Variants in ALDH6A1 observed in about 807,000 individuals in gnomAD.
ALDH6A1 encodes the protein methylmalonate-semialdehyde/malonate-semialdehyde dehydrogenase [acylating], mitochondrial.
In ALDH6A1, 43 loss-of-function variants were observed where a neutral mutation model predicts 62.6. That is an observed-to-expected ratio of 0.69 (90% CI 0.54 to 0.89). The LOEUF (loss-of-function observed/expected upper bound fraction) is 0.89. ALDH6A1 is among the 40% of genes least tolerant of loss of function. The probability of loss-of-function intolerance (pLI) is 0.00; values close to 1 mark genes in which losing one functional copy is unlikely to be tolerated. For missense variants in ALDH6A1, 551 were observed against 661.3 expected, an observed-to-expected ratio of 0.83 and a Z score of 1.83; for synonymous variants, 194 against 234.2, an observed-to-expected ratio of 0.83 and a Z score of 1.57.
rs532016679 is a variant in ALDH6A1, at chr14:74,059,850, T to C, written c.*792A>G. On this transcript the variant is annotated 3_prime_UTR_variant, in exon 12 of 12. Coordinates refer to ENST00000553458, the MANE Select transcript of ALDH6A1 (RefSeq NM_005589.4). ...CTGAGGTATCCTTGAGAAGTGATCTTAAGCAGGAGCAGTGACAATGATAGA... is the reference window on the plus strand; with the variant it reads ...CTGAGGTATCCTTGAGAAGTGATCTCAAGCAGGAGCAGTGACAATGATAGA... 2 of 154,056 alleles carry C rather than the reference T, an allele frequency of 1.3e-5. No homozygotes were observed. Among genetic ancestry groups the C allele is most frequent in the Admixed American group, 6.4e-5 (1 of 15,510 alleles). 9.5% of individuals were successfully genotyped at this position (154,056 alleles called of 1,614,324 possible).
At position 74,057,569 on chromosome 14, in the gene ALDH6A1, C is replaced by T; in HGVS notation, c.*3073G>A. 7.5e-7 allele frequency: 1 copy of T among 1,329,138 alleles called. No individual in the cohort carries two copies. The highest frequency in any genetic ancestry group is 9.8e-7 in the Non-Finnish European group (1 of 1,025,528). The allele number at this position is 1,329,138 out of a possible 1,614,324, so 82.3% of individuals were successfully genotyped here. A position where few individuals can be genotyped will look rare whatever the true frequency, so the allele number is the denominator to read the frequency against. On this transcript the variant is annotated 3_prime_UTR_variant, in exon 12 of 12. Transcript: ENST00000553458. ...GAGTAAACATAGTGACCTTGTGACT[C>T]TTAGCTTTCCATCACAGGTGGGAAG...
rs2060438758 is a variant in ALDH6A1 at position 74,065,085 on chromosome 14, G to A, written c.1404+96C>T. 2.7e-6 allele frequency: 4 copies of A among 1,486,166 alleles called. 1 individual carries two copies. The South Asian group carries it at 3.5e-5, about 13-fold the overall frequency. The allele number at this position is 1,486,166 out of a possible 1,614,324, so 92.1% of individuals were successfully genotyped here. A position where few individuals can be genotyped will look rare whatever the true frequency, so the allele number is the denominator to read the frequency against. On this transcript the variant is annotated intron_variant, in intron 10 of 11. Transcript: ENST00000553458. ...AATGGGGCAATGTGGGAGGTCATGG[G>A]GGCAATCTTAAACCAATGACTCACC...
intron 11 of ALDH6A1, among the ~76,000 whole-genome samples, chr14:74,064,021 C>T (rs1036650780): frequency 5.9e-5 from 9 of 151,558 alleles, no homozygotes; most frequent in Non-Finnish European, 1.2e-4. Flanking sequence ...TGCTACAGAC[C>T]GGGCAGAGTG....
At chr14:74,069,349 G>A (rs1171075307) in intron 6 of ALDH6A1, 5 of 308,970 alleles carry the variant, frequency 1.6e-5, no homozygotes, top group Non-Finnish European at 3.1e-5. Context: ...TGATCCACTC[G>A]CCTTGGCCTC....
chr14:74,070,480 C>T (rs1205728015), intron 6 of ALDH6A1, among the ~76,000 whole-genome samples: 1 of 152,152 alleles, frequency 6.6e-6, no homozygotes, highest in African/African-American at 2.4e-5. Context: ...GATCGCACCA[C>T]TGCTCTCCAG....
chr14:74,061,962 C>A (rs1420337719), intron 11 of ALDH6A1, among the ~76,000 whole-genome samples: 1 of 148,122 alleles, frequency 6.8e-6, no homozygotes, highest in African/African-American at 2.5e-5. Context: ...GTAATATCAG[C>A]ACTTTGGGAG....
chr14:74,060,834 T>TGAGTA, intron 11 of ALDH6A1, 88 bp from the exon 12 acceptor site: 2 of 906,678 alleles, frequency 2.2e-6, no homozygotes, highest in Non-Finnish European at 1.8e-6. Context: ...TATTATAAAG[T>TGAGTA]GCTACTCACT....
rs1159343743 is a variant in ALDH6A1, at chr14:74,078,261, C to T, written c.49-3244G>A. 6 of 455,842 alleles carry T rather than the reference C, an allele frequency of 1.3e-5. No homozygotes were observed. The East Asian group carries it at 4.2e-4, about 32-fold the overall frequency. 28.2% of individuals were successfully genotyped at this position (455,842 alleles called of 1,614,324 possible). A position where few individuals can be genotyped will look rare whatever the true frequency, so the allele number is the denominator to read the frequency against. ...ACTAGCAAACCTACAAAACTGAACT[C>T]AACCTAATGGAGAAGGTAGCCAGCA... On this transcript the variant is annotated intron_variant, in intron 1 of 11. Transcript: ENST00000553458.
intron 3 of ALDH6A1, 62 bp downstream of exon 3, chr14:74,072,475 T>C: frequency 6.2e-7 from 1 of 1,613,514 alleles, no homozygotes; most frequent in Admixed American, 1.7e-5. Context: ...GGTCCCTTCT[T>C]GCCCATCATG....
chr14:74,078,273 G>A (rs1174255562), intron 1 of ALDH6A1: 2 of 455,814 alleles, frequency 4.4e-6, no homozygotes, highest in South Asian at 3.1e-5. Flanking sequence ...ACCTAATGGA[G>A]AAGGTAGCCA....
At chr14:74,064,022 G>A (rs537024489) in intron 11 of ALDH6A1, among the ~76,000 whole-genome samples, 4 of 151,926 alleles carry the variant, frequency 2.6e-5, no homozygotes, top group South Asian at 4.2e-4. Flanking sequence ...GCTACAGACC[G>A]GGCAGAGTGG....
In ALDH6A1 at chr14:74,057,456, C is replaced by T. The variant is rs2060240042; in HGVS notation, c.*3186G>A. 3 of 1,457,624 alleles carry T rather than the reference C, an allele frequency of 2.1e-6. No individual in the cohort carries two copies. Among genetic ancestry groups the T allele is most frequent in the Admixed American group, 2.4e-5 (1 of 40,962 alleles). 90.3% of individuals were successfully genotyped at this position (1,457,624 alleles called of 1,614,324 possible). ...AATGCATATTATACTAATGCAAATG[C>T]AAATGTGTGCCTCTTTTTGTGTAGA... On this transcript the variant is annotated 3_prime_UTR_variant, in exon 12 of 12. Transcript: ENST00000553458.
chr14:74,083,573 C>T (rs923902894), intron 1 of ALDH6A1, among the ~76,000 whole-genome samples: 5 of 152,168 alleles, frequency 3.3e-5, no homozygotes, highest in African/African-American at 1.2e-4. Flanking sequence ...TTCTATCACC[C>T]GTTTTAAAGA....
At chr14:74,081,320 C>CAAATGA (rs1041664284) in intron 1 of ALDH6A1, 1 of 152,188 alleles carries the variant, frequency 6.6e-6, no homozygotes, top group Admixed American at 6.5e-5. Flanking sequence ...AGAATGAGTA[C>CAAATGA]TCGCCAAGCA....
chr14:74,064,963 ACT>A, intron 10 of ALDH6A1, 43 bp from the exon 11 acceptor site: 1 of 1,569,842 alleles, frequency 6.4e-7, no homozygotes, highest in Non-Finnish European at 8.7e-7. Flanking sequence ...GGACAAAGGA[ACT>A]CTCCATTTAG....
chr14:74,057,936 A>G lies in ALDH6A1; in HGVS notation c.*2706T>C. The G allele has an allele frequency of 1.0e-6, 1 of 980,960 alleles. No individual in the cohort carries two copies. Among genetic ancestry groups the G allele is most frequent in the Non-Finnish European group, 1.2e-6 (1 of 822,476 alleles). 60.8% of individuals were successfully genotyped at this position (980,960 alleles called of 1,614,324 possible). ...GTGATTTCCCTTAAATATAAGGAAA[A>G]TGTTAGGAATCTCTGTGACTACATT... On this transcript the variant is annotated 3_prime_UTR_variant, in exon 12 of 12. Coordinates refer to ENST00000553458, the MANE Select transcript of ALDH6A1 (RefSeq NM_005589.4).
In ALDH6A1 at chr14:74,084,397, C is replaced by A. The variant is rs778334755; in HGVS notation, c.-3G>T. 1.9e-6 allele frequency: 3 copies of A among 1,613,274 alleles called. No individual in the cohort carries two copies. The highest frequency in any genetic ancestry group is 2.2e-5 in the South Asian group (2 of 91,022). ...GCCGCCGCCAATAGCGCCGCCATGGCTCTCGGCCGCCCTAGCTCCGCACCC... is the reference window on the plus strand; with the variant it reads ...GCCGCCGCCAATAGCGCCGCCATGGATCTCGGCCGCCCTAGCTCCGCACCC... On this transcript the variant is annotated 5_prime_UTR_variant, in exon 1 of 12. Coordinates refer to ENST00000553458, the MANE Select transcript of ALDH6A1 (RefSeq NM_005589.4).
At chr14:74,068,809 T>G (rs1296038032) in intron 7 of ALDH6A1, 51 bp downstream of exon 7, 2 of 1,605,090 alleles carry the variant, frequency 1.2e-6, no homozygotes, top group Non-Finnish European at 1.7e-6. Context: ...TGTTCCTAGG[T>G]AATTTTCATA....
In ALDH6A1 at chr14:74,072,478, C is replaced by T; in HGVS notation, c.186+59G>A. 1.9e-6 allele frequency: 3 copies of T among 1,613,266 alleles called. No individual in the cohort carries two copies. The Admixed American group carries it at 5.0e-5, about 27-fold the overall frequency. On this transcript the variant is annotated intron_variant, in intron 3 of 11. Transcript: ENST00000553458. ...AACAGACACCCAGGTCCCTTCTTGC[C>T]CATCATGTCCCTAGAATTCTAGGCT...
Sources: gnomAD v4.1 joint callset for allele counts (sites outside exome capture counted in the v4.1 genomes callset) on GRCh38, gnomAD v4.1.1 for gene constraint, MANE v1.5 for transcripts, NCBI Gene and HGNC (gene_info 2026-07-23, HGNC 2026-07-21) for gene names.